The following EIF2AK1 variants were observed in gnomAD, a reference collection of about 807,000 sequenced individuals.
EIF2AK1 encodes eukaryotic translation initiation factor 2 alpha kinase 1, also known as eukaryotic translation initiation factor 2-alpha kinase 1.
In EIF2AK1, 54 loss-of-function variants were observed where a neutral mutation model predicts 77.9. The ratio of observed to expected loss-of-function variants is 0.69; its 90% CI spans 0.56 to 0.87. The LOEUF (loss-of-function observed/expected upper bound fraction) is 0.87, where lower values mean the gene tolerates loss of function less well. EIF2AK1 is among the 40% of genes least tolerant of loss of function. The probability of loss-of-function intolerance (pLI) is 0.00; values close to 1 mark genes in which losing one functional copy is unlikely to be tolerated. For missense variants in EIF2AK1, 810 were observed against 768.6 expected, an observed-to-expected ratio of 1.05 and a Z score of -0.64; for synonymous variants, 314 against 290.5, an observed-to-expected ratio of 1.08 and a Z score of -0.82.
At position 6,023,209 on chromosome 7, in the gene EIF2AK1, C is replaced by G. The variant is rs1787562200; in HGVS notation, c.*1464G>C. ...AAACACCCTTTCCCATGTCATCAGT[C>G]TGTGGTGTTTGGTGACTGTCCCCTT... On this transcript the variant is annotated 3_prime_UTR_variant, in exon 15 of 15. Transcript: ENST00000199389. 1 of 1,381,192 alleles carries G rather than the reference C, an allele frequency of 7.2e-7. No individual in the cohort carries two copies. Among genetic ancestry groups the G allele is most frequent in the African/African-American group, 1.4e-5 (1 of 69,096 alleles). 85.6% of individuals were successfully genotyped at this position (1,381,192 alleles called of 1,614,324 possible).
At chr7:6,056,613 A>AATATATATATATAT (rs71008353) in intron 1 of EIF2AK1, among the ~76,000 whole-genome samples, 710 of 43,614 alleles carry the variant, frequency 0.016, 29 homozygotes, top group Non-Finnish European at 0.027. Flanking sequence ...AAAAAAAAAA[A>AATATATATATATAT]ATATATATAT....
intron 7 of EIF2AK1, 143 bp downstream of exon 7, chr7:6,044,419 C>T (rs1788389249): frequency 3.2e-6 from 2 of 627,816 alleles, no homozygotes; most frequent in South Asian, 4.4e-5. Flanking sequence ...GCCTGGGCGA[C>T]AGAGTGAGAC....
rs749857719 is a variant in EIF2AK1, at chr7:6,032,841, G to T, written c.1333-3809C>A. On this transcript the variant is annotated intron_variant, in intron 11 of 14. Transcript: ENST00000199389. This position sits in a 1 kb window ranked among gnomAD's most constrained non-coding sequence, Gnocchi z 4.3. Reference sequence around the variant, plus strand: ...TGTGTTTTGTTTTCCCTCCAAAGCCGACAGAGTCTATCATCCCCATCCATC... The same window carrying T: ...TGTGTTTTGTTTTCCCTCCAAAGCCTACAGAGTCTATCATCCCCATCCATC... 5 of 1,550,550 alleles carry T rather than the reference G, an allele frequency of 3.2e-6. No individual in the cohort carries two copies. The highest frequency in any genetic ancestry group is 2.4e-5 in the East Asian group (1 of 40,924).
At chr7:6,040,251 C>T (rs1788258102) in intron 9 of EIF2AK1, among the ~76,000 whole-genome samples, 1 of 151,976 alleles carries the variant, frequency 6.6e-6, no homozygotes, top group Admixed American at 6.6e-5. Context: ...CGCGCTTTCA[C>T]CATGTTGGCC....
intron 11 of EIF2AK1, among the ~76,000 whole-genome samples, 176 bp downstream of exon 11, chr7:6,037,248 C>T (rs1047466339): frequency 1.3e-5 from 2 of 151,474 alleles, no homozygotes; most frequent in Non-Finnish European, 2.9e-5. Flanking sequence ...AAAAAAAATT[C>T]GACCTAATGT....
chr7:6,046,099 T>C lies in EIF2AK1; in HGVS notation c.602A>G (p.Lys201Arg). 1 of 1,570,640 alleles carries C rather than the reference T, an allele frequency of 6.4e-7. No homozygotes were observed. The highest frequency in any genetic ancestry group is 2.3e-5 in the East Asian group (1 of 43,718). Residue 201 changes from lysine (K) to arginine (R), a missense_variant, in exon 6 of 15, where the codon AAG (lysine) becomes AGG (arginine). Physicochemically the swap from Lys to Arg is conservative, Grantham distance 26. This residue lies in a region of EIF2AK1 where 549 missense variants were observed against 533.7 expected (regional missense o/e 1.03). Transcript: ENST00000199389. ...CATGCAAACTGTTTTAGTTGCACCC[T>C]TAATCAGGATTTTTTTTATTGCATA... ...QYYAIKKILI[K>R]GATKTVCMKV...
At chr7:6,052,557 G>A (rs1366292380) in intron 2 of EIF2AK1, among the ~76,000 whole-genome samples, 1 of 103,058 alleles carries the variant, frequency 9.7e-6, no homozygotes, top group Non-Finnish European at 1.8e-5. Flanking sequence ...CCACATAAAA[G>A]TATCTATAAG....
chr7:6,049,803 C>T (rs1208482313), intron 3 of EIF2AK1, 109 bp downstream of exon 3: 2 of 1,159,540 alleles, frequency 1.7e-6, no homozygotes, highest in Non-Finnish European at 2.4e-6. Context: ...AGAGTTTATA[C>T]TTTTAAAAAC....
At position 6,037,513 on chromosome 7, in the gene EIF2AK1, T is replaced by C. The variant is rs1297058385; in HGVS notation, c.1243A>G (p.Met415Val). 2.5e-6 allele frequency: 4 copies of C among 1,577,028 alleles called. No homozygotes were observed. In the African/African-American group the frequency reaches 4.0e-5, roughly 16 times the overall value. ...AAAATTTTTGTTGCAACATTGGCCA[T>C]AACATAAGGACCTTGAAGTAAAAAA... ...YVDESACPYV[M>V]ANVATKIFQE... is the part of the protein sequence containing the mutation. Residue 415 changes from methionine to valine, a missense_variant, in exon 11 of 15, where the codon ATG becomes GTG. Transcript: ENST00000199389.
At position 6,050,048 on chromosome 7, in the gene EIF2AK1, A is replaced by G. The variant is rs1562757063; in HGVS notation, c.278-3T>C. On this transcript the variant is annotated splice_polypyrimidine_tract_variant and splice_region_variant and intron_variant, in intron 2 of 14. Transcript: ENST00000199389. ...TTTGATAAACGTCTGGCAAAGTACT[A>G]TAAAAAGAATATGAAAAACTATTAT... 1.3e-6 allele frequency: 2 copies of G among 1,593,314 alleles called. No homozygotes were observed. Among genetic ancestry groups the G allele is most frequent in the Middle Eastern group, 1.7e-4 (1 of 5,986 alleles).
chr7:6,044,431 C>T, intron 7 of EIF2AK1, 131 bp downstream of exon 7: 3 of 692,832 alleles, frequency 4.3e-6, no homozygotes, highest in South Asian at 2.1e-5. Flanking sequence ...GAGTGAGACT[C>T]CGTCTCAAAA....
At chr7:6,050,676 C>T (rs1412992351) in intron 2 of EIF2AK1, among the ~76,000 whole-genome samples, 3 of 149,770 alleles carry the variant, frequency 2.0e-5, no homozygotes, top group East Asian at 2.0e-4. Context: ...GATCTCGGCT[C>T]ACTGCAAGCT....
Position 6,027,301 on chromosome 7 carries a change from G to A in EIF2AK1, c.1531-340C>T, listed in dbSNP as rs137976025. Among the ~76,000 whole-genome samples, 5 of 152,250 alleles carry A rather than the reference G, an allele frequency of 3.3e-5. No individual in the cohort carries two copies. The highest frequency in any genetic ancestry group is 1.9e-4 in the East Asian group (1 of 5,178). Reference sequence around the variant, plus strand: ...GCTCACGCCTGCTAGTGTCAGCTGCGGGGGAGCCACAGAAGGTCGCGGGTT... The same window carrying A: ...GCTCACGCCTGCTAGTGTCAGCTGCAGGGGAGCCACAGAAGGTCGCGGGTT... On this transcript the variant is annotated intron_variant, in intron 13 of 14. Transcript: ENST00000199389. The surrounding 1 kb of genome is among the most constrained non-coding windows in gnomAD (Gnocchi z 4.5).
Position 6,035,575 on chromosome 7 carries a change from T to C in EIF2AK1, c.1332+1849A>G. On this transcript the variant is annotated intron_variant, in intron 11 of 14. Transcript: ENST00000199389. The surrounding 1 kb of genome is among the most constrained non-coding windows in gnomAD (Gnocchi z 5.5). ...ATTCAGAATAGCAGCATCACATGTC[T>C]CCGCATCTTGTGTGCGCACGGAGCT... 1.9e-6 allele frequency: 3 copies of C among 1,551,112 alleles called. No individual in the cohort carries two copies. The highest frequency in any genetic ancestry group is 1.2e-5 in the South Asian group (1 of 84,056).
At position 6,022,782 on chromosome 7, in the gene EIF2AK1, C is replaced by T. The variant is rs554689095; in HGVS notation, c.*1891G>A. 2.0e-5 allele frequency: 3 copies of T among 152,964 alleles called. No individual in the cohort carries two copies. Among genetic ancestry groups the T allele is most frequent in the African/African-American group, 7.2e-5 (3 of 41,582 alleles). The allele number at this position is 152,964 out of a possible 1,614,324, so 9.5% of individuals were successfully genotyped here. A position where few individuals can be genotyped will look rare whatever the true frequency, so the allele number is the denominator to read the frequency against. On this transcript the variant is annotated 3_prime_UTR_variant, in exon 15 of 15. Coordinates refer to ENST00000199389, the MANE Select transcript of EIF2AK1 (RefSeq NM_014413.4). ...GCCATCTTGCCCTCACATTCAAGAA[C>T]TTACCATCATAGGGACACTGAAGTT...
rs532357165 is a variant in EIF2AK1, at chr7:6,036,375, T to C, written c.1332+1049A>G. The C allele has an allele frequency of 2.0e-6, 3 of 1,477,406 alleles. No individual in the cohort carries two copies. The East Asian group carries it at 7.4e-5, about 37-fold the overall frequency. 91.5% of individuals were successfully genotyped at this position (1,477,406 alleles called of 1,614,324 possible). A position where few individuals can be genotyped will look rare whatever the true frequency, so the allele number is the denominator to read the frequency against. On this transcript the variant is annotated intron_variant, in intron 11 of 14. Coordinates refer to ENST00000199389, the MANE Select transcript of EIF2AK1 (RefSeq NM_014413.4). The surrounding 1 kb of genome is among the most constrained non-coding windows in gnomAD (Gnocchi z 4.6). ...TGTCTACTGCTGTTATGACTTGGCA[T>C]ATACCTCTTGAAATAAGACCTCCCA...
chr7:6,038,447 A>G, intron 10 of EIF2AK1, 113 bp downstream of exon 10: 2 of 690,040 alleles, frequency 2.9e-6, no homozygotes, highest in Non-Finnish European at 4.7e-6. Flanking sequence ...TCAAAAAAAT[A>G]AAATAAATAA....
chr7:6,027,000 C>T (rs1562740194), intron 13 of EIF2AK1, 39 bp from the exon 14 acceptor site: 2 of 1,533,648 alleles, frequency 1.3e-6, no homozygotes, highest in Admixed American at 3.4e-5. Context: ...TAGTGAAATA[C>T]AAAGTTAGAA....
intron 2 of EIF2AK1, 101 bp from the exon 3 acceptor site, chr7:6,050,146 C>T (rs1788566030): frequency 2.3e-6 from 2 of 852,058 alleles, no homozygotes; most frequent in South Asian, 3.8e-5. Flanking sequence ...GCAATATATA[C>T]AAAAACCTCA....
Sources: gnomAD v4.1 joint callset for allele counts (sites outside exome capture counted in the v4.1 genomes callset) on GRCh38, gnomAD v4.1.1 for gene constraint, gnomAD v4.1.1 regional missense constraint, Gnocchi (gnomAD v3.1) non-coding constraint, MANE v1.5 for transcripts, NCBI Gene and HGNC (gene_info 2026-07-23, HGNC 2026-07-21) for gene names.